Variants in CMSS1 observed in about 807,000 individuals in gnomAD.
CMSS1 encodes the protein cms1 ribosomal small subunit homolog, also known as protein CMSS1.
CMSS1 carries 33 observed loss-of-function variants against 43.5 expected under a neutral mutation model. The observed-to-expected ratio is 0.76, with a 90% CI of 0.57 to 1.01. CMSS1 has a LOEUF of 1.01. Ranked by LOEUF, CMSS1 falls within the 50% of genes least tolerant of loss-of-function variation. CMSS1 has a pLI of 0.00. For synonymous variants in CMSS1, 115 were observed against 117.2 expected, an observed-to-expected ratio of 0.98 and a Z score of 0.12; for missense variants, 313 against 326.4, an observed-to-expected ratio of 0.96 and a Z score of 0.32.
chr3:99,900,474 T>G (rs1459322994), intron 1 of CMSS1, among the ~76,000 whole-genome samples: 2 of 152,156 alleles, frequency 1.3e-5, no homozygotes, highest in African/African-American at 4.8e-5. Context: ...TAACCAGATT[T>G]CAGATGAGAT....
intron 1 of CMSS1, among the ~76,000 whole-genome samples, chr3:99,921,639 C>T (rs530541160): frequency 2.6e-5 from 4 of 152,150 alleles, no homozygotes; most frequent in Non-Finnish European, 5.9e-5. Flanking sequence ...GAGTGATAGA[C>T]ACTTTTTCCT....
intron 1 of CMSS1, among the ~76,000 whole-genome samples, chr3:99,959,731 A>T (rs1401471145): frequency 6.6e-6 from 1 of 152,222 alleles, no homozygotes; most frequent in Non-Finnish European, 1.5e-5. Flanking sequence ...ATGAGTCTCC[A>T]CTGGATTATC....
chr3:99,828,429 T>C (rs1942577481), intron 1 of CMSS1, among the ~76,000 whole-genome samples: 1 of 137,976 alleles, frequency 7.2e-6, no homozygotes, highest in African/African-American at 2.7e-5. Context: ...TTTTTTGATG[T>C]TAGAGCTTCA....
intron 1 of CMSS1, chr3:100,141,439 A>G (rs1451191711): frequency 3.4e-5 from 13 of 380,860 alleles, no homozygotes; most frequent in Middle Eastern, 7.1e-4. Flanking sequence ...GAAACAGACA[A>G]TGGTCTTAAC....
chr3:99,965,681 T>A (rs1165592135), intron 1 of CMSS1, among the ~76,000 whole-genome samples: 1 of 152,190 alleles, frequency 6.6e-6, no homozygotes, highest in Non-Finnish European at 1.5e-5. Context: ...ATGATAAATA[T>A]CTGAGCCCCC....
chr3:99,895,728 A>T (rs1260715527), intron 1 of CMSS1, among the ~76,000 whole-genome samples: 1 of 152,124 alleles, frequency 6.6e-6, no homozygotes, highest in Non-Finnish European at 1.5e-5. Flanking sequence ...TTCATCTTTG[A>T]TGGAAAACCT....
At chr3:100,132,818 C>CAAA (rs537334560) in intron 1 of CMSS1, among the ~76,000 whole-genome samples, 4 of 66,308 alleles carry the variant, frequency 6.0e-5, no homozygotes, top group African/African-American at 1.5e-4. Context: ...GACTCCATCC[C>CAAA]AAAAAAAAAA....
At chr3:99,968,466 A>G (rs1708721005) in intron 1 of CMSS1, among the ~76,000 whole-genome samples, 1 of 152,078 alleles carries the variant, frequency 6.6e-6, no homozygotes, top group Non-Finnish European at 1.5e-5. Context: ...TGTTGGGTTT[A>G]AGTCCTTGCA....
At chr3:100,153,039 C>A (rs182578962) in intron 2 of CMSS1, among the ~76,000 whole-genome samples, 29 of 152,276 alleles carry the variant, frequency 1.9e-4, no homozygotes, top group Non-Finnish European at 3.8e-4. Flanking sequence ...TGTATATTTT[C>A]TTTTGAGGTA....
intron 1 of CMSS1, among the ~76,000 whole-genome samples, chr3:100,070,394 A>T (rs1005660189): frequency 6.6e-6 from 1 of 152,200 alleles, no homozygotes. Flanking sequence ...AGAAAATTTT[A>T]TACTAGTGCC....
At chr3:100,095,970 T>C (rs2066199065) in intron 1 of CMSS1, among the ~76,000 whole-genome samples, 1 of 152,070 alleles carries the variant, frequency 6.6e-6, no homozygotes, top group Non-Finnish European at 1.5e-5. Flanking sequence ...AAGATTTGAA[T>C]AGACATTTCT....
chr3:100,077,134 G>C (rs1195920992), intron 1 of CMSS1, among the ~76,000 whole-genome samples: 1 of 152,234 alleles, frequency 6.6e-6, no homozygotes, highest in Non-Finnish European at 1.5e-5. Flanking sequence ...TGAAAGAAGA[G>C]TGGATGCTTG....
At chr3:99,865,787 T>C (rs959340157) in intron 1 of CMSS1, among the ~76,000 whole-genome samples, 4 of 151,860 alleles carry the variant, frequency 2.6e-5, no homozygotes, top group Admixed American at 6.6e-5. Context: ...GAAATATGTG[T>C]GTATGTATTT....
chr3:100,060,484 G>C (rs1373143997), intron 1 of CMSS1, among the ~76,000 whole-genome samples: 1 of 151,854 alleles, frequency 6.6e-6, no homozygotes, highest in African/African-American at 2.4e-5. Flanking sequence ...CATTAGAATA[G>C]CATCTTCACC....
At chr3:100,145,618 C>G (rs1183213465) in intron 1 of CMSS1, among the ~76,000 whole-genome samples, 6 of 152,128 alleles carry the variant, frequency 3.9e-5, no homozygotes, top group African/African-American at 1.4e-4. Context: ...TCCAGGAGAG[C>G]TGATAGTTTA....
chr3:100,048,161 C>T (rs1400275971), intron 1 of CMSS1, among the ~76,000 whole-genome samples: 1 of 152,198 alleles, frequency 6.6e-6, no homozygotes, highest in African/African-American at 2.4e-5. Flanking sequence ...ATGACCAGGT[C>T]CCAAGCTCTG....
chr3:100,122,605 C>T (rs1223879324), intron 1 of CMSS1, among the ~76,000 whole-genome samples: 2 of 152,192 alleles, frequency 1.3e-5, no homozygotes, highest in African/African-American at 2.4e-5. Context: ...TAAGGAACAC[C>T]ATGCCACATA....
chr3:100,160,532 G>A (rs907152925), intron 3 of CMSS1, 31 bp downstream of exon 3: 25 of 1,061,628 alleles, frequency 2.4e-5, no homozygotes, highest in African/African-American at 3.2e-5. Context: ...AATTTGTATG[G>A]CCCCACATGG....
At chr3:99,850,236 T>C (rs771120493) in intron 1 of CMSS1, 3 of 1,613,638 alleles carry the variant, frequency 1.9e-6, no homozygotes, top group Non-Finnish European at 2.5e-6. Context: ...ATTCTGTCTT[T>C]TCTAGCCGAC....
Sources: allele counts gnomAD v4.1 joint callset (sites outside exome capture counted in the v4.1 genomes callset), GRCh38; gene constraint gnomAD v4.1.1; transcripts MANE v1.5; gene names NCBI Gene and HGNC (gene_info 2026-07-23, HGNC 2026-07-21).